NIBAN1: variants seen among roughly 807,000 people sequenced by gnomAD.
NIBAN1 encodes the protein protein Niban 1.
NIBAN1 carries 81 observed loss-of-function variants against 75.1 expected under a neutral mutation model. The observed-to-expected ratio is 1.08, with a 90% CI of 0.90 to 1.30. The LOEUF is 1.30. Ranked by LOEUF, NIBAN1 falls within the 50% of genes most tolerant of loss-of-function variation. The pLI is 0.00. For synonymous variants in NIBAN1, 436 were observed against 424.8 expected (o/e 1.03, Z -0.32); for missense variants, 1,133 against 1,128.1 (o/e 1.00, Z -0.06).
At position 184,894,117 on chromosome 1, in the gene NIBAN1, T is replaced by C; in HGVS notation, c.276A>G (p.Val92=). 1 of 1,612,832 alleles carries C rather than the reference T, an allele frequency of 6.2e-7. No homozygotes were observed. Among genetic ancestry groups the C allele is most frequent in the Non-Finnish European group, 8.5e-7 (1 of 1,179,416 alleles). ...DIKKWKERYV[V]VKNDYAVESY... is the part of the protein sequence containing the mutation. ...TCTCCACAGCATAATCATTTTTAAC[T>C]ACAACGTATCTCTCCTTCCACTTCT... The change falls in exon 3 of 14, where the codon GTA becomes GTG. Residue 92 remains valine, a synonymous_variant. Transcript: ENST00000367511.
Position 184,823,216 on chromosome 1 carries a change from G to A in NIBAN1, c.936C>T (p.Asp312=), listed in dbSNP as rs199964346. 1.2e-5 allele frequency: 19 copies of A among 1,614,094 alleles called. No homozygotes were observed. The highest frequency in any genetic ancestry group is 1.5e-5 in the Non-Finnish European group (18 of 1,180,040). The change falls in exon 8 of 14, where the codon GAC becomes GAT. Residue 312 remains aspartate (D), a synonymous_variant. Transcript: ENST00000367511. ...TCTTTGAGTTCACAATCTGATCCAT[G>A]TCAGAACGGATCGTTCCTTCCAGGC... The part of the protein sequence containing the change: ...TKGLEGTIRS[D]MDQIVNSKNY...
At position 184,827,028 on chromosome 1, in the gene NIBAN1, T is replaced by C. The variant is rs143729521; in HGVS notation, c.718-3286A>G. 7.3e-4 allele frequency among the ~76,000 whole-genome samples: 111 copies of C among 152,324 alleles called. No individual in the cohort carries two copies. In the Middle Eastern group the frequency reaches 0.014, roughly 19 times the overall value. On this transcript the variant is annotated intron_variant, in intron 6 of 13. Transcript: ENST00000367511. ...AGTGAATAAGTCTCACCAGATCTGA[T>C]GATTTTATAAGGGGTTTCCCCTTTC...
intron 11 of NIBAN1, among the ~76,000 whole-genome samples, chr1:184,805,682 G>A (rs531915156): frequency 1.3e-5 from 2 of 152,174 alleles, no homozygotes; most frequent in South Asian, 4.2e-4. Flanking sequence ...CGTGTTTGTC[G>A]AGTTGGATCT....
chr1:184,894,300 G>A, intron 2 of NIBAN1, 94 bp from the exon 3 acceptor site: 1 of 1,313,464 alleles, frequency 7.6e-7, no homozygotes, highest in Non-Finnish European at 1.0e-6. Context: ...AATAGTTTAG[G>A]AAACTATCTT....
chr1:184,964,927 G>C (rs535893231), intron 1 of NIBAN1, among the ~76,000 whole-genome samples: 62 of 152,158 alleles, frequency 4.1e-4, no homozygotes, highest in Non-Finnish European at 6.0e-4. Flanking sequence ...GTGAATTAAT[G>C]GGTCTCAGCT....
chr1:184,974,506 T>C lies in NIBAN1; in HGVS notation c.-150A>G, dbSNP rs1457421800. 5 of 1,056,400 alleles carry C rather than the reference T, an allele frequency of 4.7e-6. No individual in the cohort carries two copies. Among genetic ancestry groups the C allele is most frequent in the Admixed American group, 3.0e-5 (1 of 33,722 alleles). The allele number at this position is 1,056,400 out of a possible 1,614,324, so 65.4% of individuals were successfully genotyped here. On this transcript the variant is annotated 5_prime_UTR_variant, in exon 1 of 14. Transcript: ENST00000367511. ...AGACAGGAGGCAAGAGGCGTCGCCT[T>C]CTGGGGCGCCTCCTCCAGGTCCGCG...
At chr1:184,839,721 G>A (rs1655233676) in intron 5 of NIBAN1, among the ~76,000 whole-genome samples, 1 of 151,948 alleles carries the variant, frequency 6.6e-6, no homozygotes, top group Non-Finnish European at 1.5e-5. Context: ...TCAGTCTCCT[G>A]AGTAGCTGGG....
At chr1:184,958,890 A>G (rs1658557737) in intron 1 of NIBAN1, among the ~76,000 whole-genome samples, 1 of 152,212 alleles carries the variant, frequency 6.6e-6, no homozygotes, top group Non-Finnish European at 1.5e-5. Context: ...GTTGCTCATA[A>G]AATTTGGCTT....
At chr1:184,944,451 G>T (rs1035638266) in intron 1 of NIBAN1, among the ~76,000 whole-genome samples, 15 of 152,190 alleles carry the variant, frequency 9.9e-5, no homozygotes, top group African/African-American at 3.6e-4. Context: ...TTAGGACTTT[G>T]AAAAAGAGAG....
intron 1 of NIBAN1, among the ~76,000 whole-genome samples, chr1:184,952,510 A>G (rs1658384281): frequency 6.6e-6 from 1 of 152,274 alleles, no homozygotes; most frequent in African/African-American, 2.4e-5. Flanking sequence ...TTGGAAGAAG[A>G]AGAATTGTCT....
chr1:184,820,590 A>G (rs886769445), intron 8 of NIBAN1, among the ~76,000 whole-genome samples: 6 of 152,212 alleles, frequency 3.9e-5, no homozygotes, highest in African/African-American at 1.4e-4. Flanking sequence ...CCATTCGTGT[A>G]TGCACTGCTA....
chr1:184,843,184 G>A (rs1655341117), intron 5 of NIBAN1, among the ~76,000 whole-genome samples: 1 of 152,206 alleles, frequency 6.6e-6, no homozygotes, highest in Non-Finnish European at 1.5e-5. Flanking sequence ...TACCCATGGT[G>A]GAACCCCTTC....
chr1:184,845,384 A>AT (rs750058261), intron 5 of NIBAN1, among the ~76,000 whole-genome samples: 9 of 152,242 alleles, frequency 5.9e-5, no homozygotes, highest in Non-Finnish European at 1.2e-4. Context: ...CACTAAAATA[A>AT]TATTTTTTTC....
At chr1:184,872,317 C>T (rs524895) in intron 5 of NIBAN1, among the ~76,000 whole-genome samples, 56,611 of 150,908 alleles carry the variant, frequency 0.38, 11,284 homozygotes, top group South Asian at 0.5. Context: ...GGATTAAATA[C>T]AGATGAAGAG....
chr1:184,931,422 T>G (rs1657819770), intron 1 of NIBAN1, among the ~76,000 whole-genome samples: 1 of 152,248 alleles, frequency 6.6e-6, no homozygotes, highest in African/African-American at 2.4e-5. Context: ...ACATTAATAT[T>G]ATTGTCGCTT....
chr1:184,865,994 T>A (rs778302922), intron 5 of NIBAN1, among the ~76,000 whole-genome samples: 1 of 152,208 alleles, frequency 6.6e-6, no homozygotes, highest in Admixed American at 6.5e-5. Flanking sequence ...TATTAACTAT[T>A]CTTATCATTT....
intron 3 of NIBAN1, 109 bp from the exon 4 acceptor site, chr1:184,890,331 C>T: frequency 1.3e-6 from 1 of 750,032 alleles, no homozygotes; most frequent in South Asian, 1.5e-5. Context: ...GATAGCAATC[C>T]CCATACTATG....
intron 6 of NIBAN1, among the ~76,000 whole-genome samples, chr1:184,826,823 C>A (rs980438193): frequency 6.8e-6 from 1 of 147,602 alleles, no homozygotes; most frequent in African/African-American, 2.6e-5. Context: ...AATATGTCTG[C>A]GAGGAAAAAG....
rs10682418 is a variant in NIBAN1 at position 184,956,033 on chromosome 1, G to GTTTGTT, written c.55+18268_55+18269insAACAAA. ...CAGGGATTATTTTTTCTTTTTGTTT[G>GTTTGTT]TTTTTTTTTTTTAGAGCCAAATTCT... On this transcript the variant is annotated intron_variant, in intron 1 of 13. Coordinates refer to ENST00000367511, the MANE Select transcript of NIBAN1 (RefSeq NM_052966.4). Among the ~76,000 whole-genome samples the GTTTGTT allele has an allele frequency of 1.8e-3, 262 of 147,980 alleles. 1 individual carries two copies. Among genetic ancestry groups the GTTTGTT allele is most frequent in the African/African-American group, 3.9e-3 (157 of 40,300 alleles).
Sources: gnomAD v4.1 joint callset for allele counts (sites outside exome capture counted in the v4.1 genomes callset) on GRCh38, gnomAD v4.1.1 for gene constraint, MANE v1.5 for transcripts, NCBI Gene and HGNC (gene_info 2026-07-23, HGNC 2026-07-21) for gene names.